GALNT13: variants seen among roughly 807,000 people sequenced by gnomAD.
GALNT13 encodes the protein polypeptide N-acetylgalactosaminyltransferase 13.
In GALNT13, 28 loss-of-function variants were observed where a neutral mutation model predicts 64.2. The observed-to-expected ratio is 0.44, with a 90% confidence interval of 0.32 to 0.60. The LOEUF is 0.60. Among genes scored for constraint, GALNT13 ranks in the 20% least tolerant of loss-of-function variants. The pLI, the probability that GALNT13 is intolerant of heterozygous loss-of-function variation, is 0.05. For missense variants in GALNT13, 577 were observed against 669.8 expected (o/e 0.86, Z 1.53); for synonymous variants, 214 against 224.6 (o/e 0.95, Z 0.42).
At chr2:154,087,095 A>G (rs1701569714) in intron 3 of GALNT13, among the ~76,000 whole-genome samples, 1 of 152,100 alleles carries the variant, frequency 6.6e-6, no homozygotes, top group Non-Finnish European at 1.5e-5. Context: ...TTTTACATTA[A>G]CGAGAAACCT....
intron 1 of GALNT13, among the ~76,000 whole-genome samples, chr2:153,896,893 A>C (rs547015289): frequency 2.1e-4 from 32 of 152,312 alleles, no homozygotes; most frequent in African/African-American, 6.5e-4. Context: ...CATAATTTTA[A>C]ATTTTGACAT....
At chr2:154,291,655 G>A (rs1055106570) in intron 8 of GALNT13, among the ~76,000 whole-genome samples, 1 of 152,112 alleles carries the variant, frequency 6.6e-6, no homozygotes, top group Non-Finnish European at 1.5e-5. Context: ...GCTGCGTGCA[G>A]CCCCAGCTCC....
chr2:153,222,119 C>T, the GALNT13 span, among the ~76,000 whole-genome samples: 6 of 151,962 alleles, frequency 3.9e-5, no homozygotes, highest in Non-Finnish European at 5.9e-5. Flanking sequence ...GGTATGCGGA[C>T]AACTGGAGGG....
At chr2:153,377,335 T>C in the GALNT13 span, among the ~76,000 whole-genome samples, 2 of 152,140 alleles carry the variant, frequency 1.3e-5, no homozygotes, top group African/African-American at 2.4e-5. Flanking sequence ...TGCTGTGATT[T>C]GGGTATGGTC....
chr2:153,915,657 T>G (rs1469456721), intron 2 of GALNT13, among the ~76,000 whole-genome samples: 1 of 151,692 alleles, frequency 6.6e-6, no homozygotes, highest in Admixed American at 6.6e-5. Flanking sequence ...GCTGAAATTA[T>G]AGCTCCTAGA....
intron 3 of GALNT13, among the ~76,000 whole-genome samples, chr2:154,105,226 G>A (rs571565708): frequency 3.3e-5 from 5 of 152,030 alleles, no homozygotes; most frequent in South Asian, 4.1e-4. Flanking sequence ...CTATGATCTC[G>A]TATCTGATGG....
the GALNT13 span, among the ~76,000 whole-genome samples, chr2:153,464,456 G>A: frequency 1.3e-5 from 2 of 152,062 alleles, no homozygotes; most frequent in Admixed American, 6.5e-5. Context: ...GCTACTTTGT[G>A]TTTTATAAAT....
the GALNT13 span, chr2:153,159,035 C>T: frequency 9.0e-5 from 16 of 177,026 alleles, no homozygotes; most frequent in Admixed American, 5.3e-4. Context: ...CAACAAGGAG[C>T]TTTCACACAG....
At chr2:154,062,472 A>G (rs994661207) in intron 3 of GALNT13, among the ~76,000 whole-genome samples, 3 of 152,336 alleles carry the variant, frequency 2.0e-5, no homozygotes, top group African/African-American at 4.8e-5. Context: ...ATTGACTCAC[A>G]GTTCTGCAGC....
At chr2:153,778,208 G>T in the GALNT13 span, among the ~76,000 whole-genome samples, 1 of 152,156 alleles carries the variant, frequency 6.6e-6, no homozygotes, top group Non-Finnish European at 1.5e-5. Context: ...TCCTCTGCTG[G>T]TGTGCTCCTC....
At chr2:154,248,225 A>T (rs963555141) in intron 7 of GALNT13, among the ~76,000 whole-genome samples, 3 of 152,090 alleles carry the variant, frequency 2.0e-5, no homozygotes, top group Non-Finnish European at 4.4e-5. Context: ...GCCAAGTTGA[A>T]CTTGTGACCT....
At chr2:153,969,094 T>G (rs1023621979) in intron 3 of GALNT13, among the ~76,000 whole-genome samples, 4 of 152,146 alleles carry the variant, frequency 2.6e-5, no homozygotes, top group Admixed American at 2.0e-4. Context: ...TCATTACTTT[T>G]TGTAATGTTA....
chr2:153,162,234 G>C, the GALNT13 span, among the ~76,000 whole-genome samples: 1 of 151,916 alleles, frequency 6.6e-6, no homozygotes, highest in Non-Finnish European at 1.5e-5. Flanking sequence ...CTTGGTACAG[G>C]GTTATTTTTT....
At chr2:153,079,831 T>G in the GALNT13 span, among the ~76,000 whole-genome samples, 1 of 152,122 alleles carries the variant, frequency 6.6e-6, no homozygotes, top group South Asian at 2.1e-4. Flanking sequence ...AATAGTTGGT[T>G]TGTGTTTAAA....
At chr2:153,347,305 A>T in the GALNT13 span, among the ~76,000 whole-genome samples, 1 of 152,302 alleles carries the variant, frequency 6.6e-6, no homozygotes, top group South Asian at 2.1e-4. Flanking sequence ...CAGGCAGCTG[A>T]GAATCAGTTC....
the GALNT13 span, among the ~76,000 whole-genome samples, chr2:153,271,069 C>T: frequency 1.3e-5 from 2 of 152,070 alleles, no homozygotes; most frequent in Non-Finnish European, 1.5e-5. Flanking sequence ...ATTCAACACC[C>T]CTTCATGCCA....
At chr2:153,379,618 C>T in the GALNT13 span, among the ~76,000 whole-genome samples, 13 of 152,058 alleles carry the variant, frequency 8.5e-5, no homozygotes, top group African/African-American at 2.2e-4. Flanking sequence ...GACAGGTCTA[C>T]GAAGAAGTTG....
chr2:154,072,321 C>T (rs1176378845), intron 3 of GALNT13, among the ~76,000 whole-genome samples: 1 of 152,032 alleles, frequency 6.6e-6, no homozygotes, highest in Non-Finnish European at 1.5e-5. Flanking sequence ...GATAAACTTG[C>T]AGGTGAGGCA....
chr2:153,993,592 G>T (rs894763314), intron 3 of GALNT13, among the ~76,000 whole-genome samples: 1 of 151,194 alleles, frequency 6.6e-6, no homozygotes, highest in African/African-American at 2.4e-5. Flanking sequence ...AGCTACTCGG[G>T]AGGCTGAGGC....
Sources: gnomAD v4.1 joint callset for allele counts (sites outside exome capture counted in the v4.1 genomes callset) on GRCh38, gnomAD v4.1.1 for gene constraint, MANE v1.5 for transcripts, NCBI Gene and HGNC (gene_info 2026-07-23, HGNC 2026-07-21) for gene names.